The following UBR4 variants were observed in gnomAD, a reference collection of about 807,000 sequenced individuals.
UBR4 encodes ubiquitin protein ligase E3 component n-recognin 4, also known as E3 ubiquitin-protein ligase UBR4.
In UBR4, 124 loss-of-function variants were observed where a neutral mutation model predicts 575.6. That is an observed-to-expected ratio of 0.22 (90% CI 0.19 to 0.25). The LOEUF (loss-of-function observed/expected upper bound fraction) is 0.25. UBR4 is among the 10% of genes least tolerant of loss of function. UBR4 has a pLI of 1.00. For synonymous variants in UBR4, 2,455 were observed against 2,473.7 expected (o/e 0.99, Z 0.22); for missense variants, 4,818 against 6,478.8 (o/e 0.74, Z 8.80).
At chr1:19,192,610 C>G (rs935850008) in intron 9 of UBR4, 70 bp from the exon 10 acceptor site, 2 of 1,548,392 alleles carry the variant, frequency 1.3e-6, no homozygotes, top group Non-Finnish European at 1.8e-6. Context: ...CTAAATCCTA[C>G]CCAAACAATT....
Position 19,077,860 on chromosome 1 carries a change from C to T in UBR4, c.15324+116G>A, listed in dbSNP as rs753341350. 8.3e-6 allele frequency: 13 copies of T among 1,569,732 alleles called. 1 individual carries two copies. Among genetic ancestry groups the T allele is most frequent in the Middle Eastern group, 1.7e-4 (1 of 5,988 alleles). On this transcript the variant is annotated intron_variant, in intron 104 of 105. Coordinates refer to ENST00000375254, the MANE Select transcript of UBR4 (RefSeq NM_020765.3). The stretch of plus-strand genomic sequence containing the variant: ...GGGTTGTTTGTTTCTAGGAAAAAAG[C>T]GCCCCCAGGCCCAGCGGAGGAGCAG...
intron 81 of UBR4, 142 bp downstream of exon 81, chr1:19,109,953 TA>T: frequency 7.9e-7 from 1 of 1,262,104 alleles, no homozygotes; most frequent in Non-Finnish European, 1.1e-6. Flanking sequence ...TCTGCTGAAC[TA>T]AGGCAAAGGC....
chr1:19,177,628 T>C lies in UBR4; in HGVS notation c.2470A>G (p.Thr824Ala), dbSNP rs1396019228. ...AGCGACAATATGGCCCGCCGGCCTG[T>C]CTCGGTGAAATTGTGGAAAATGAGG... ...LLLIFHNFTE[T>A]GRRAILSLFV... The change falls in exon 19 of 106, where the codon ACA becomes GCA. Residue 824 changes from threonine to alanine, a missense_variant. Thr to Ala is a moderately conservative substitution (Grantham distance 58, BLOSUM62 0). This residue lies in a region of UBR4 where 1,172 missense variants were observed against 1,259.7 expected (regional missense o/e 0.93). Transcript: ENST00000375254. 2.5e-6 allele frequency: 4 copies of C among 1,613,930 alleles called. No individual in the cohort carries two copies. The highest frequency in any genetic ancestry group is 1.3e-5 in the African/African-American group (1 of 74,882).
rs897638330 is a variant in UBR4, at chr1:19,086,577, G to T, written c.14687+102C>A. The T allele has an allele frequency of 2.7e-6, 4 of 1,499,480 alleles. No individual in the cohort carries two copies. The African/African-American group carries it at 5.6e-5, about 21-fold the overall frequency. 92.9% of individuals were successfully genotyped at this position (1,499,480 alleles called of 1,614,324 possible). A position where few individuals can be genotyped will look rare whatever the true frequency, so the allele number is the denominator to read the frequency against. On this transcript the variant is annotated intron_variant, in intron 100 of 105. Coordinates refer to ENST00000375254, the MANE Select transcript of UBR4 (RefSeq NM_020765.3). ...CAGGCAGAACACCCTACTCTCCAGA[G>T]ACTAAGGAGCAGATTTAAAACCACG...
intron 83 of UBR4, 147 bp downstream of exon 83, chr1:19,106,422 G>A (rs765404602): frequency 4.4e-5 from 49 of 1,102,496 alleles, no homozygotes; most frequent in Non-Finnish European, 6.0e-5. Flanking sequence ...CCAAGAACCT[G>A]TACTCACTCC....
rs763440403 is a variant in UBR4 at position 19,092,882 on chromosome 1, G to C, written c.14148C>G (p.Arg4716=). The C allele has an allele frequency of 6.2e-7, 1 of 1,613,586 alleles. No homozygotes were observed. Among genetic ancestry groups the C allele is most frequent in the Non-Finnish European group, 8.5e-7 (1 of 1,179,876 alleles). Residue 4716 remains arginine (R), a synonymous_variant, in exon 97 of 106, where the codon CGC becomes CGG. Coordinates refer to ENST00000375254, the MANE Select transcript of UBR4 (RefSeq NM_020765.3). ...DADIWKKFLS[R]PALPFILRLL... ...GCCTTAGGATAAATGGCAAGGCTGGGCGAGACAAAAACTTTTTCCAGATGT... is the reference window on the plus strand; with the variant it reads ...GCCTTAGGATAAATGGCAAGGCTGGCCGAGACAAAAACTTTTTCCAGATGT...
rs1331954086 is a variant in UBR4 at position 19,092,771 on chromosome 1, T to A, written c.14211+48A>T. ...CATGTCTCAAGGTAAACTAGGGTAG[T>A]TATACTTGTACCCCTGTACCCTCAC... On this transcript the variant is annotated intron_variant, in intron 97 of 105. Transcript: ENST00000375254. 6.7e-6 allele frequency: 10 copies of A among 1,485,980 alleles called. No individual in the cohort carries two copies. In the Middle Eastern group the frequency reaches 1.4e-3, roughly 212 times the overall value. The allele number at this position is 1,485,980 out of a possible 1,614,324, so 92.0% of individuals were successfully genotyped here. A position where few individuals can be genotyped will look rare whatever the true frequency, so the allele number is the denominator to read the frequency against.
intron 63 of UBR4, 146 bp downstream of exon 63, chr1:19,127,477 T>G: frequency 1.4e-6 from 1 of 689,738 alleles, no homozygotes; most frequent in East Asian, 2.5e-5. Context: ...GTTCTGCTCT[T>G]GAAAAGGTGA....
chr1:19,207,304 T>G (rs765754888), intron 1 of UBR4, among the ~76,000 whole-genome samples: 2 of 152,248 alleles, frequency 1.3e-5, no homozygotes, highest in Non-Finnish European at 2.9e-5. Flanking sequence ...CCCACAATTC[T>G]GAGACCTTTA....
At position 19,183,839 on chromosome 1, in the gene UBR4, G is replaced by T; in HGVS notation, c.2156C>A (p.Thr719Asn). Reference protein sequence around the residue: ...ALYHFNHSLVTSDLQSPNLQN... With the variant: ...ALYHFNHSLVNSDLQSPNLQN... ...CAGGTTAGGTGACTGAAGGTCAGAG[G>T]TTACCAGTGAGTGGTTGAAGTGATA... The change falls in exon 17 of 106, where the codon ACC becomes AAC. Residue 719 changes from threonine (T) to asparagine (N), a missense_variant. Physicochemically the swap from Thr to Asn is moderately conservative, Grantham distance 65 (BLOSUM62 0). Around this residue, in one of 29 missense-constraint regions of UBR4, gnomAD observed 1,172 missense variants for 1,259.7 expected, o/e 0.93. Coordinates refer to ENST00000375254, the MANE Select transcript of UBR4 (RefSeq NM_020765.3). The T allele has an allele frequency of 6.2e-7, 1 of 1,614,172 alleles. No homozygotes were observed. Among genetic ancestry groups the T allele is most frequent in the Non-Finnish European group, 8.5e-7 (1 of 1,180,018 alleles).
rs769598261 is a variant in UBR4, at chr1:19,095,565, T to A, written c.13606A>T (p.Met4536Leu). ...CTTACCAGGTTTAGGGTCCCCAGCA[T>A]GACGTTCAAGGTGTTCATTTCCAGT... is the stretch of plus-strand genomic sequence containing the variant. The part of the protein sequence containing the change: ...VKLEMNTLNV[M>L]LGTLNLALVA... Residue 4536 changes from methionine (M) to leucine (L), a missense_variant, in exon 93 of 106, where the codon ATG (methionine) becomes TTG (leucine). Coordinates refer to ENST00000375254, the MANE Select transcript of UBR4 (RefSeq NM_020765.3). The A allele has an allele frequency of 6.2e-7, 1 of 1,614,018 alleles. No individual in the cohort carries two copies. Among genetic ancestry groups the A allele is most frequent in the Non-Finnish European group, 8.5e-7 (1 of 1,180,010 alleles).
At chr1:19,078,595 T>C (rs1329731892) in intron 103 of UBR4, 1 of 155,860 alleles carries the variant, frequency 6.4e-6, no homozygotes, top group Non-Finnish European at 1.4e-5. Context: ...AGCAAGCTGC[T>C]AGGAAGTTGG....
chr1:19,113,638 T>G, intron 77 of UBR4, 61 bp downstream of exon 77: 2 of 1,599,792 alleles, frequency 1.3e-6, no homozygotes, highest in Non-Finnish European at 1.7e-6. Flanking sequence ...AGGACTGCTG[T>G]GAAAACAACA....
In UBR4 at chr1:19,134,415, A is replaced by T. The variant is rs1054443887; in HGVS notation, c.8906+3592T>A. ...CAGCCTGGGCAGGTGAGACTGTCTT[A>T]AAAGAAAACAAAACAAGAAACAACA... On this transcript the variant is annotated intron_variant, in intron 60 of 105. Transcript: ENST00000375254. Among the ~76,000 whole-genome samples the T allele has an allele frequency of 4.5e-4, 69 of 152,338 alleles. 2 individuals are homozygous for T. The highest frequency in any genetic ancestry group is 4.1e-4 in the South Asian group (2 of 4,832).
At chr1:19,182,516 T>C (rs1454341761) in intron 17 of UBR4, among the ~76,000 whole-genome samples, 1 of 152,096 alleles carries the variant, frequency 6.6e-6, no homozygotes, top group Non-Finnish European at 1.5e-5. Flanking sequence ...CATATAGTAA[T>C]TCTATATGTA....
chr1:19,170,224 C>G (rs1376766582), intron 26 of UBR4, among the ~76,000 whole-genome samples: 1 of 152,130 alleles, frequency 6.6e-6, no homozygotes, highest in East Asian at 1.9e-4. Flanking sequence ...ATAGGAAGAC[C>G]TCATCTCTAC....
intron 49 of UBR4, 141 bp from the exon 50 acceptor site, chr1:19,148,767 A>G (rs2085236979): frequency 1.2e-6 from 1 of 848,870 alleles, no homozygotes; most frequent in Non-Finnish European, 1.9e-6. Flanking sequence ...AAGACCTGCC[A>G]CAGGCACCAT....
intron 60 of UBR4, among the ~76,000 whole-genome samples, chr1:19,132,473 G>A (rs765830982): frequency 6.6e-6 from 1 of 151,670 alleles, no homozygotes. Flanking sequence ...TGAGCCACTG[G>A]ACCTGGCTGA....
At chr1:19,138,994 C>A (rs2083513282) in intron 59 of UBR4, 89 bp downstream of exon 59, 5 of 1,450,528 alleles carry the variant, frequency 3.4e-6, no homozygotes, top group Non-Finnish European at 2.7e-6. Flanking sequence ...CTTTTCTTTG[C>A]AAAAACCAAC....
Sources: allele counts gnomAD v4.1 joint callset (sites outside exome capture counted in the v4.1 genomes callset), GRCh38; gene constraint gnomAD v4.1.1; regional missense constraint gnomAD v4.1.1; transcripts MANE v1.5; gene names NCBI Gene and HGNC (gene_info 2026-07-23, HGNC 2026-07-21).